Variants in SRPK1 observed in about 807,000 individuals in gnomAD.
SRPK1 encodes the protein SFRS protein kinase 1.
Under a neutral mutation model 89.5 loss-of-function variants are expected in SRPK1, and 52 were observed. That is an observed-to-expected ratio of 0.58 (90% CI 0.46 to 0.73). The LOEUF is 0.73. Among genes scored for constraint, SRPK1 ranks in the 30% least tolerant of loss-of-function variants. The pLI is 0.00. For synonymous variants in SRPK1, 255 were observed against 270.2 expected (o/e 0.94, Z 0.55); for missense variants, 603 against 780.6 (o/e 0.77, Z 2.71).
At chr6:35,842,866 A>G (rs993778665) in intron 13 of SRPK1, among the ~76,000 whole-genome samples, 2 of 152,086 alleles carry the variant, frequency 1.3e-5, no homozygotes, top group African/African-American at 4.8e-5. Context: ...TCCCCACCCT[A>G]AACCCTAGCA....
chr6:35,880,388 T>C lies in SRPK1; in HGVS notation c.479-6049A>G, dbSNP rs529084742. On this transcript the variant is annotated intron_variant, in intron 6 of 15. Coordinates refer to ENST00000373825, the MANE Select transcript of SRPK1 (RefSeq NM_003137.5). ...GGCTTAAGGGACCTGTGGGACATCA[T>C]TGAGTAGACCAAATATACACTGTGG... is the stretch of plus-strand genomic sequence containing the variant. 2.4e-4 allele frequency among the ~76,000 whole-genome samples: 36 copies of C among 151,898 alleles called. No homozygotes were observed. In the South Asian group the frequency reaches 5.2e-3, roughly 22 times the overall value.
Position 35,834,781 on chromosome 6 carries a change from G to A in SRPK1, c.*523C>T, listed in dbSNP as rs916255266. ...AAAAGACAGTAGCTTAAAAGTTGCA[G>A]GAAAAAATGTGAACACAGAGAACAA... On this transcript the variant is annotated 3_prime_UTR_variant, in exon 16 of 16. Transcript: ENST00000373825. 2 of 152,126 alleles carry A rather than the reference G, an allele frequency of 1.3e-5. No individual in the cohort carries two copies. Among genetic ancestry groups the A allele is most frequent in the African/African-American group, 4.8e-5 (2 of 41,394 alleles). The allele number at this position is 152,126 out of a possible 1,614,324, so 9.4% of individuals were successfully genotyped here.
rs1339581568 is a variant in SRPK1 at position 35,870,824 on chromosome 6, T to C, written c.777+110A>G. On this transcript the variant is annotated intron_variant, in intron 9 of 15. Coordinates refer to ENST00000373825, the MANE Select transcript of SRPK1 (RefSeq NM_003137.5). ...GAAAATTATAGAAGCGCAGGAATTT[T>C]TTTTCCTTTTGGTTCTCAAACTTGA... 7 of 954,648 alleles carry C rather than the reference T, an allele frequency of 7.3e-6. No homozygotes were observed. The East Asian group carries it at 1.6e-4, about 21-fold the overall frequency. The allele number at this position is 954,648 out of a possible 1,614,324, so 59.1% of individuals were successfully genotyped here.
At chr6:35,886,582 T>C in intron 6 of SRPK1, 142 bp downstream of exon 6, 1 of 625,470 alleles carries the variant, frequency 1.6e-6, no homozygotes, top group Non-Finnish European at 2.8e-6. Flanking sequence ...AATTCAGATG[T>C]GTGTTCAGAA....
At chr6:35,841,571 C>T (rs1223386915) in intron 14 of SRPK1, among the ~76,000 whole-genome samples, 5 of 152,114 alleles carry the variant, frequency 3.3e-5, no homozygotes, top group Admixed American at 6.5e-5. Context: ...TGATGGCTCA[C>T]GCCTGTAATC....
intron 8 of SRPK1, among the ~76,000 whole-genome samples, chr6:35,871,258 T>C (rs558532588): frequency 8.8e-4 from 134 of 152,260 alleles, no homozygotes; most frequent in Non-Finnish European, 1.7e-3. Context: ...TAAAATAGAA[T>C]GGGACAAGCA....
chr6:35,880,168 T>C (rs1770241038), intron 6 of SRPK1, among the ~76,000 whole-genome samples: 2 of 132,982 alleles, frequency 1.5e-5, no homozygotes, highest in South Asian at 4.8e-4. Flanking sequence ...TTAATGAGGA[T>C]AAAAAAAAAA....
chr6:35,851,076 A>T (rs1769544105), intron 13 of SRPK1, among the ~76,000 whole-genome samples: 1 of 152,256 alleles, frequency 6.6e-6, no homozygotes, highest in African/African-American at 2.4e-5. Flanking sequence ...AAACAGAAGC[A>T]GAGAAAGGAA....
At chr6:35,845,583 A>G (rs1341346936) in intron 13 of SRPK1, among the ~76,000 whole-genome samples, 3 of 152,250 alleles carry the variant, frequency 2.0e-5, no homozygotes, top group African/African-American at 7.2e-5. Flanking sequence ...TCAGATCCAG[A>G]AGTAAATTGC....
intron 2 of SRPK1, among the ~76,000 whole-genome samples, chr6:35,915,997 TACACACACACACACAC>T (rs57574093): frequency 0.045 from 4,065 of 90,208 alleles, 153 homozygotes; most frequent in South Asian, 0.063. Flanking sequence ...AAAAAATATA[TACACACACACACACAC>T]ACACACACAC....
intron 13 of SRPK1, 122 bp downstream of exon 13, chr6:35,857,139 C>G (rs995742705): frequency 2.8e-6 from 2 of 708,030 alleles, no homozygotes; most frequent in Non-Finnish European, 4.8e-6. Context: ...TTTAGAATAC[C>G]TATGGTAAAT....
At chr6:35,892,996 A>G (rs1446700386) in intron 2 of SRPK1, among the ~76,000 whole-genome samples, 1 of 152,188 alleles carries the variant, frequency 6.6e-6, no homozygotes, top group East Asian at 1.9e-4. Context: ...CCCCCAGGGT[A>G]CACAAAATTA....
rs913126675 is a variant in SRPK1, at chr6:35,905,047, T to G, written c.75-14034A>C. On this transcript the variant is annotated intron_variant, in intron 2 of 15. Coordinates refer to ENST00000373825, the MANE Select transcript of SRPK1 (RefSeq NM_003137.5). Reference sequence around the variant, plus strand: ...GTGTAGTCCTAGCTACTCCAGAGGCTGAGGCAGAGGGAATGCTTGAGCCCA... The same window carrying G: ...GTGTAGTCCTAGCTACTCCAGAGGCGGAGGCAGAGGGAATGCTTGAGCCCA... 1.5e-5 allele frequency: 6 copies of G among 390,306 alleles called. No individual in the cohort carries two copies. In the Admixed American group the frequency reaches 1.5e-4, roughly 10 times the overall value. 24.2% of individuals were successfully genotyped at this position (390,306 alleles called of 1,614,324 possible).
At chr6:35,910,819 T>C (rs935290354) in intron 2 of SRPK1, among the ~76,000 whole-genome samples, 1 of 152,218 alleles carries the variant, frequency 6.6e-6, no homozygotes, top group African/African-American at 2.4e-5. Context: ...GCTCTATAAA[T>C]GGAACAACAA....
chr6:35,885,298 C>CACACACACACAGAGAGAGAGAG (rs1276672274), intron 6 of SRPK1, among the ~76,000 whole-genome samples: 13 of 113,110 alleles, frequency 1.1e-4, no homozygotes, highest in African/African-American at 4.4e-4. Flanking sequence ...CACACACACA[C>CACACACACACAGAGAGAGAGAG]AGAGAGAGAG....
At chr6:35,888,719 T>A (rs1770458453) in intron 4 of SRPK1, 96 bp downstream of exon 4, 1 of 820,996 alleles carries the variant, frequency 1.2e-6, no homozygotes, top group Non-Finnish European at 2.1e-6. Flanking sequence ...TGAATCAGGC[T>A]AGAGATAGAT....
intron 12 of SRPK1, among the ~76,000 whole-genome samples, chr6:35,867,304 G>A (rs1433631140): frequency 1.3e-5 from 2 of 152,194 alleles, no homozygotes; most frequent in Admixed American, 1.3e-4. Context: ...GCGTAGTGGA[G>A]TAATTCTAAT....
intron 2 of SRPK1, among the ~76,000 whole-genome samples, chr6:35,903,538 C>G (rs1311838357): frequency 1.3e-5 from 2 of 151,868 alleles, no homozygotes; most frequent in Non-Finnish European, 2.9e-5. Flanking sequence ...ACAACACTAT[C>G]CCCAAAAGGA....
chr6:35,880,420 C>A (rs1770247037), intron 6 of SRPK1, among the ~76,000 whole-genome samples: 1 of 151,730 alleles, frequency 6.6e-6, no homozygotes, highest in Non-Finnish European at 1.5e-5. Context: ...GTGGCAGTCC[C>A]AGAAGAAGAA....
Sources: allele counts gnomAD v4.1 joint callset (sites outside exome capture counted in the v4.1 genomes callset), GRCh38; gene constraint gnomAD v4.1.1; transcripts MANE v1.5; gene names NCBI Gene and HGNC (gene_info 2026-07-23, HGNC 2026-07-21).